Variants in ATXN10 observed in about 807,000 individuals in gnomAD.
ATXN10 encodes ataxin-10.
ATXN10 carries 28 observed loss-of-function variants against 52.9 expected under a neutral mutation model. The ratio of observed to expected loss-of-function variants is 0.53; its 90% CI spans 0.39 to 0.73. ATXN10 has a LOEUF of 0.73. Ranked by LOEUF, ATXN10 falls within the 30% of genes least tolerant of loss-of-function variation. ATXN10 has a pLI of 0.00. For synonymous variants in ATXN10, 226 were observed against 221.5 expected (o/e 1.02, Z -0.18); for missense variants, 565 against 577.0 (o/e 0.98, Z 0.21).
chr22:45,756,582 G>T (rs1044546329), intron 9 of ATXN10, among the ~76,000 whole-genome samples: 1 of 152,184 alleles, frequency 6.6e-6, no homozygotes, highest in South Asian at 2.1e-4. Flanking sequence ...TGAGAAAAAT[G>T]AACTATTGCT....
intron 5 of ATXN10, among the ~76,000 whole-genome samples, chr22:45,704,920 G>C (rs1187024939): frequency 6.6e-6 from 1 of 152,112 alleles, no homozygotes; most frequent in Non-Finnish European, 1.5e-5. Context: ...CCTTGCTCAG[G>C]ATGATAAACT....
intron 9 of ATXN10, among the ~76,000 whole-genome samples, chr22:45,749,202 T>C (rs1355727767): frequency 6.6e-6 from 1 of 152,204 alleles, no homozygotes; most frequent in Non-Finnish European, 1.5e-5. Context: ...AGACACATCA[T>C]ATTTGGCTTA....
In ATXN10 at chr22:45,677,467, G is replaced by T. The variant is rs1460595854; in HGVS notation, c.116+5288G>T. The T allele has an allele frequency of 6.8e-6, 1 of 146,336 alleles. No individual in the cohort carries two copies. The allele number at this position is 146,336 out of a possible 1,614,324, so 9.1% of individuals were successfully genotyped here. A position where few individuals can be genotyped will look rare whatever the true frequency, so the allele number is the denominator to read the frequency against. ...TCTGCTTAGACAAAATGAGGTTTTC[G>T]TTGGTGTTTAATTTAAAAATTAAAA... is the stretch of plus-strand genomic sequence containing the variant. On this transcript the variant is annotated intron_variant, in intron 1 of 11. Coordinates refer to ENST00000252934, the MANE Select transcript of ATXN10 (RefSeq NM_013236.4). The surrounding 1 kb of genome is among the most constrained non-coding windows in gnomAD (Gnocchi z 4.1).
chr22:45,837,740 A>G lies in ATXN10; in HGVS notation c.1238-5251A>G, dbSNP rs946660999. Among the ~76,000 whole-genome samples, 1 of 152,248 alleles carries G rather than the reference A, an allele frequency of 6.6e-6. No individual in the cohort carries two copies. The highest frequency in any genetic ancestry group is 6.5e-5 in the Admixed American group (1 of 15,288). Reference sequence around the variant, plus strand: ...GTGACAGCAGCCGCCAACACAGGCAAGTGATGGGCATGGCTGTGTGCCGTA... The same window carrying G: ...GTGACAGCAGCCGCCAACACAGGCAGGTGATGGGCATGGCTGTGTGCCGTA... On this transcript the variant is annotated intron_variant, in intron 10 of 11. Transcript: ENST00000252934. The surrounding 1 kb of genome is among the most constrained non-coding windows in gnomAD (Gnocchi z 5.8).
rs879465171 is a variant in ATXN10, at chr22:45,727,445, G to GC, written c.729-1978dup. On this transcript the variant is annotated intron_variant, in intron 6 of 11. Coordinates refer to ENST00000252934, the MANE Select transcript of ATXN10 (RefSeq NM_013236.4). This position sits in a 1 kb window ranked among gnomAD's most constrained non-coding sequence, Gnocchi z 4.6. ...ACGATCTTGGCTTACTGTAACCTCT[G>GC]CCTCCTGGGTTCAAGTGATTCTTCC... 3.4e-4 allele frequency among the ~76,000 whole-genome samples: 51 copies of GC among 152,160 alleles called. No individual in the cohort carries two copies. Among genetic ancestry groups the GC allele is most frequent in the Middle Eastern group, 3.4e-3 (1 of 294 alleles).
In ATXN10 at chr22:45,750,066, C is replaced by G. The variant is rs748043819; in HGVS notation, c.1173+9528C>G. 6.6e-6 allele frequency among the ~76,000 whole-genome samples: 1 copy of G among 152,060 alleles called. No homozygotes were observed. Among genetic ancestry groups the G allele is most frequent in the Non-Finnish European group, 1.5e-5 (1 of 68,022 alleles). ...GCTACTCAGTTTTCTTTACTTACGC[C>G]ATATGATCAATTTTTAGATAACAGA... On this transcript the variant is annotated intron_variant, in intron 9 of 11. Coordinates refer to ENST00000252934, the MANE Select transcript of ATXN10 (RefSeq NM_013236.4). The surrounding 1 kb of genome is among the most constrained non-coding windows in gnomAD (Gnocchi z 4.2).
intron 9 of ATXN10, among the ~76,000 whole-genome samples, chr22:45,743,905 C>T (rs762421867): frequency 6.6e-6 from 1 of 152,162 alleles, no homozygotes; most frequent in Non-Finnish European, 1.5e-5. Flanking sequence ...TGCTCACTTC[C>T]TGCCCCATGG....
At position 45,712,154 on chromosome 22, in the gene ATXN10, G is replaced by A. The variant is rs1924273763; in HGVS notation, c.648-6259G>A. Among the ~76,000 whole-genome samples, 1 of 152,170 alleles carries A rather than the reference G, an allele frequency of 6.6e-6. No homozygotes were observed. The highest frequency in any genetic ancestry group is 1.5e-5 in the Non-Finnish European group (1 of 68,042). ...ATCCCTGGGGCAGTGCTGTTTGTTA[G>A]GGTGTGCAGTCAGGTGACCTCCCCT... On this transcript the variant is annotated intron_variant, in intron 5 of 11. Transcript: ENST00000252934. The surrounding 1 kb of genome is among the most constrained non-coding windows in gnomAD (Gnocchi z 4.6).
At position 45,708,914 on chromosome 22, in the gene ATXN10, C is replaced by A. The variant is rs111922916; in HGVS notation, c.647+6067C>A. The stretch of plus-strand genomic sequence containing the variant: ...CCTGTCTCCCAAAGTGCTGGGATTA[C>A]AGGCATGAGCCACCGTGCCCACCTA... On this transcript the variant is annotated intron_variant, in intron 5 of 11. Transcript: ENST00000252934. This position sits in a 1 kb window ranked among gnomAD's most constrained non-coding sequence, Gnocchi z 5.3. Among the ~76,000 whole-genome samples the A allele has an allele frequency of 6.6e-6, 1 of 152,232 alleles. No individual in the cohort carries two copies. The highest frequency in any genetic ancestry group is 1.5e-5 in the Non-Finnish European group (1 of 68,042).
intron 9 of ATXN10, among the ~76,000 whole-genome samples, chr22:45,743,994 T>C (rs1354194336): frequency 6.6e-6 from 1 of 152,254 alleles, no homozygotes; most frequent in East Asian, 1.9e-4. Context: ...CTGGTCAGTC[T>C]GCGTCTCCTA....
chr22:45,817,641 T>TG (rs1236004117), intron 10 of ATXN10, among the ~76,000 whole-genome samples: 2 of 151,896 alleles, frequency 1.3e-5, no homozygotes, highest in African/African-American at 4.8e-5. Flanking sequence ...TTTTTTTTTT[T>TG]AAGTTGTATA....
chr22:45,726,821 A>G (rs760594014), intron 6 of ATXN10, among the ~76,000 whole-genome samples: 2 of 152,078 alleles, frequency 1.3e-5, no homozygotes, highest in Non-Finnish European at 2.9e-5. Context: ...AGCTGGGACT[A>G]CAGGCATGCA....
rs1486475661 is a variant in ATXN10 at position 45,795,144 on chromosome 22, T to G, written c.1174-11815T>G. Among the ~76,000 whole-genome samples, 2 of 152,046 alleles carry G rather than the reference T, an allele frequency of 1.3e-5. No individual in the cohort carries two copies. Among genetic ancestry groups the G allele is most frequent in the African/African-American group, 4.8e-5 (2 of 41,416 alleles). On this transcript the variant is annotated intron_variant, in intron 9 of 11. Transcript: ENST00000252934. The surrounding 1 kb of genome is among the most constrained non-coding windows in gnomAD (Gnocchi z 4.6). ...TACTCTAAACTCCAGTGCAACCACTTTTAGAAAAAGAGAGAGACAGTTAAC... is the reference window on the plus strand; with the variant it reads ...TACTCTAAACTCCAGTGCAACCACTGTTAGAAAAAGAGAGAGACAGTTAAC...
intron 9 of ATXN10, among the ~76,000 whole-genome samples, chr22:45,746,528 T>C (rs1031151694): frequency 4.6e-5 from 7 of 152,132 alleles, no homozygotes; most frequent in Non-Finnish European, 8.8e-5. Flanking sequence ...GAGAAATAAA[T>C]AAATGCTTAA....
In ATXN10 at chr22:45,772,126, G is replaced by C. The variant is rs1346657389; in HGVS notation, c.1173+31588G>C. On this transcript the variant is annotated intron_variant, in intron 9 of 11. Transcript: ENST00000252934. This position sits in a 1 kb window ranked among gnomAD's most constrained non-coding sequence, Gnocchi z 4.1. ...TTCTTTTATGAATCATACTTTTTGT[G>C]TCATTTCAAGAACTCTGTCCCTAAT... is the stretch of plus-strand genomic sequence containing the variant. Among the ~76,000 whole-genome samples, 1 of 152,064 alleles carries C rather than the reference G, an allele frequency of 6.6e-6. No homozygotes were observed. The highest frequency in any genetic ancestry group is 2.4e-5 in the African/African-American group (1 of 41,402).
rs1929348129 is a variant in ATXN10, at chr22:45,841,608, A to G, written c.1238-1383A>G. Among the ~76,000 whole-genome samples, 2 of 152,232 alleles carry G rather than the reference A, an allele frequency of 1.3e-5. No homozygotes were observed. The highest frequency in any genetic ancestry group is 1.9e-4 in the East Asian group (1 of 5,202). On this transcript the variant is annotated intron_variant, in intron 10 of 11. Transcript: ENST00000252934. This position sits in a 1 kb window ranked among gnomAD's most constrained non-coding sequence, Gnocchi z 5.1. ...ATGGAGCAACCTTTTTAAAGCCCCA[A>G]AAACACTTCCTGAGCATACAGCTGA...
chr22:45,705,048 A>G lies in ATXN10; in HGVS notation c.647+2201A>G, dbSNP rs1444001807. Among the ~76,000 whole-genome samples, 7 of 152,166 alleles carry G rather than the reference A, an allele frequency of 4.6e-5. No individual in the cohort carries two copies. Among genetic ancestry groups the G allele is most frequent in the African/African-American group, 1.4e-4 (6 of 41,444 alleles). On this transcript the variant is annotated intron_variant, in intron 5 of 11. Transcript: ENST00000252934. This position sits in a 1 kb window ranked among gnomAD's most constrained non-coding sequence, Gnocchi z 5.2. ...GTCATATGGCTTTGTCTTTTAGTCTATTAATACTTTGTCTAACAGTGATTT... is the reference window on the plus strand; with the variant it reads ...GTCATATGGCTTTGTCTTTTAGTCTGTTAATACTTTGTCTAACAGTGATTT...
intron 7 of ATXN10, among the ~76,000 whole-genome samples, chr22:45,737,043 G>A (rs1439418894): frequency 1.3e-5 from 2 of 152,236 alleles, no homozygotes; most frequent in African/African-American, 4.8e-5. Context: ...CCAATCTTCA[G>A]AATAATGAGT....
At chr22:45,821,429 T>C (rs1928645628) in intron 10 of ATXN10, among the ~76,000 whole-genome samples, 1 of 151,902 alleles carries the variant, frequency 6.6e-6, no homozygotes, top group South Asian at 2.1e-4. Flanking sequence ...TAATGGGTTT[T>C]CAAGAAGAAA....
Sources: allele counts gnomAD v4.1 joint callset (sites outside exome capture counted in the v4.1 genomes callset), GRCh38; gene constraint gnomAD v4.1.1; non-coding constraint Gnocchi (gnomAD v3.1); transcripts MANE v1.5; gene names NCBI Gene and HGNC (gene_info 2026-07-23, HGNC 2026-07-21).